GRB2: variants seen among roughly 807,000 people sequenced by gnomAD.
GRB2 encodes the protein growth factor receptor-bound protein 2.
Under a neutral mutation model 27.4 loss-of-function variants are expected in GRB2, and 2 were observed. The ratio of observed to expected loss-of-function variants is 0.07; its 90% CI spans 0.03 to 0.23. The LOEUF (loss-of-function observed/expected upper bound fraction) is 0.23, where lower values mean the gene tolerates loss of function less well. GRB2 is among the 10% of genes least tolerant of loss of function. The pLI is 1.00. For missense variants in GRB2, 102 were observed against 282.4 expected (o/e 0.36, Z 4.58); for synonymous variants, 94 against 99.6 (o/e 0.94, Z 0.33).
chr17:75,390,541 G>C (rs2891713), intron 2 of GRB2, among the ~76,000 whole-genome samples: 101,535 of 152,052 alleles, frequency 0.67, 39,006 homozygotes, highest in East Asian at 0.96. Context: ...CTCCCTCCCC[G>C]AGCCAAGAAA....
chr17:75,320,211 C>T lies in GRB2; in HGVS notation c.*157G>A. The stretch of plus-strand genomic sequence containing the variant: ...TTTTTAAATCCAACGCCCCCTCCCA[C>T]CCCCTAAAGTTCCAACCAAAGTGAG... On this transcript the variant is annotated 3_prime_UTR_variant, in exon 6 of 6. Coordinates refer to ENST00000316804, the MANE Select transcript of GRB2 (RefSeq NM_002086.5). This position sits in a 1 kb window ranked among gnomAD's most constrained non-coding sequence, Gnocchi z 4.3. 1 of 593,586 alleles carries T rather than the reference C, an allele frequency of 1.7e-6. No individual in the cohort carries two copies. 36.8% of individuals were successfully genotyped at this position (593,586 alleles called of 1,614,324 possible). A position where few individuals can be genotyped will look rare whatever the true frequency, so the allele number is the denominator to read the frequency against.
chr17:75,335,610 C>T (rs796748114), intron 2 of GRB2, among the ~76,000 whole-genome samples: 3 of 152,316 alleles, frequency 2.0e-5, no homozygotes, highest in African/African-American at 7.2e-5. Context: ...ATCTGCTATG[C>T]TTACCACACT....
chr17:75,322,101 C>T (rs372191887), intron 4 of GRB2, among the ~76,000 whole-genome samples: 5 of 152,066 alleles, frequency 3.3e-5, no homozygotes, highest in Non-Finnish European at 5.9e-5. Context: ...AGGCCGGGTG[C>T]GGTGGCTCAC....
At position 75,386,009 on chromosome 17, in the gene GRB2, C is replaced by G. The variant is rs1598252142; in HGVS notation, c.78+7542G>C. On this transcript the variant is annotated intron_variant, in intron 2 of 5. Transcript: ENST00000316804. The stretch of plus-strand genomic sequence containing the variant: ...TTTAACATCTCTAAAATGCATCTTA[C>G]AATTGACAGTATTGGCAGAAAAAAA... 2.0e-5 allele frequency among the ~76,000 whole-genome samples: 3 copies of G among 151,922 alleles called. No homozygotes were observed. In the South Asian group the frequency reaches 6.2e-4, roughly 32 times the overall value.
chr17:75,377,332 A>G (rs529213593), intron 2 of GRB2, among the ~76,000 whole-genome samples: 23 of 152,060 alleles, frequency 1.5e-4, no homozygotes, highest in African/African-American at 5.5e-4. Context: ...TATTGCAAAC[A>G]AAAAGTGGCC....
intron 2 of GRB2, among the ~76,000 whole-genome samples, chr17:75,367,710 T>G (rs976750031): frequency 1.3e-5 from 2 of 152,232 alleles, no homozygotes; most frequent in Non-Finnish European, 2.9e-5. Flanking sequence ...GGTTTTAGCA[T>G]TCAGTATCTT....
intron 2 of GRB2, among the ~76,000 whole-genome samples, chr17:75,336,755 A>C (rs1287142679): frequency 6.6e-6 from 1 of 151,808 alleles, no homozygotes; most frequent in East Asian, 1.9e-4. Context: ...TTTTTGAGAG[A>C]GTCTTGCTCT....
At chr17:75,371,450 G>A (rs944110891) in intron 2 of GRB2, 5 of 152,122 alleles carry the variant, frequency 3.3e-5, no homozygotes, top group African/African-American at 1.2e-4. Flanking sequence ...CACTGAGTAG[G>A]ATGAACATGG....
chr17:75,346,770 C>T (rs1032344608), intron 2 of GRB2, among the ~76,000 whole-genome samples: 4 of 151,840 alleles, frequency 2.6e-5, no homozygotes, highest in African/African-American at 9.7e-5. Context: ...GGGGTTTCAT[C>T]ATGTTGGCCA....
chr17:75,403,034 C>T (rs1363635325), intron 1 of GRB2, among the ~76,000 whole-genome samples: 2 of 118,902 alleles, frequency 1.7e-5, no homozygotes, highest in Non-Finnish European at 3.2e-5. Flanking sequence ...GAGATCGTGC[C>T]ACTGCACTCT....
At chr17:75,362,508 A>AT (rs886958770) in intron 2 of GRB2, among the ~76,000 whole-genome samples, 2 of 152,180 alleles carry the variant, frequency 1.3e-5, no homozygotes, top group African/African-American at 4.8e-5. Context: ...GCCAAAAGAT[A>AT]TTTTTTGATG....
At chr17:75,374,969 C>T (rs2078882731) in intron 2 of GRB2, among the ~76,000 whole-genome samples, 1 of 152,178 alleles carries the variant, frequency 6.6e-6, no homozygotes, top group South Asian at 2.1e-4. Context: ...GATCATGGCT[C>T]ACTGCATCCT....
chr17:75,328,317 CTG>C (rs2078514147), intron 3 of GRB2, among the ~76,000 whole-genome samples: 1 of 149,410 alleles, frequency 6.7e-6, no homozygotes, highest in African/African-American at 2.5e-5. Context: ...GAGTGAGACT[CTG>C]TCTCAAAAAA....
At chr17:75,359,862 G>A (rs1305482262) in intron 2 of GRB2, among the ~76,000 whole-genome samples, 2 of 152,026 alleles carry the variant, frequency 1.3e-5, no homozygotes, top group Non-Finnish European at 2.9e-5. Context: ...CTTGTGGGTA[G>A]TAGCCTCGGC....
chr17:75,396,732 T>C (rs1202479896), intron 1 of GRB2, among the ~76,000 whole-genome samples: 1 of 152,162 alleles, frequency 6.6e-6, no homozygotes, highest in East Asian at 1.9e-4. Context: ...TCTCTCCTAC[T>C]ATCAAGATTT....
rs375061943 is a variant in GRB2 at position 75,404,524 on chromosome 17, G to A, written c.-138+965C>T. Reference sequence around the variant, plus strand: ...AGAGTGGGGACTACAAGGAGGAAGGGGAAGTACATTAGAAAAAAAGGGGGG... The same window carrying A: ...AGAGTGGGGACTACAAGGAGGAAGGAGAAGTACATTAGAAAAAAAGGGGGG... On this transcript the variant is annotated intron_variant, in intron 1 of 5. Transcript: ENST00000316804. 3.4e-5 allele frequency among the ~76,000 whole-genome samples: 5 copies of A among 146,970 alleles called. No homozygotes were observed. In the East Asian group the frequency reaches 6.1e-4, roughly 18 times the overall value.
At chr17:75,321,169 CT>C (rs61287852) in intron 5 of GRB2, among the ~76,000 whole-genome samples, 1,343 of 119,608 alleles carry the variant, frequency 0.011, 2 homozygotes, top group Non-Finnish European at 0.016. Context: ...AACAACAAAT[CT>C]TTTTTTTTTT....
At chr17:75,322,951 C>A (rs548783203) in intron 4 of GRB2, among the ~76,000 whole-genome samples, 3 of 152,002 alleles carry the variant, frequency 2.0e-5, no homozygotes, top group South Asian at 4.2e-4. Context: ...AACCCCGTCT[C>A]TACTAAAAAT....
intron 2 of GRB2, chr17:75,371,689 A>G (rs2078857681): frequency 6.6e-6 from 1 of 151,954 alleles, no homozygotes. Context: ...TGGCCAAGGC[A>G]CGTAAATGCT....
Sources: gnomAD v4.1 joint callset for allele counts (sites outside exome capture counted in the v4.1 genomes callset) on GRCh38, gnomAD v4.1.1 for gene constraint, Gnocchi (gnomAD v3.1) non-coding constraint, MANE v1.5 for transcripts, NCBI Gene and HGNC (gene_info 2026-07-23, HGNC 2026-07-21) for gene names.